Variants in RBFOX3 observed in about 807,000 individuals in gnomAD.
RBFOX3 encodes the protein RNA binding protein fox-1 homolog 3.
In RBFOX3, 17 loss-of-function variants were observed where a neutral mutation model predicts 48.7. That is an observed-to-expected ratio of 0.35 (90% CI 0.24 to 0.52). RBFOX3 has a LOEUF of 0.52. RBFOX3 is among the 20% of genes least tolerant of loss of function. The pLI, the probability that RBFOX3 is intolerant of heterozygous loss-of-function variation, is 0.94. For synonymous variants in RBFOX3, 212 were observed against 209.5 expected, an observed-to-expected ratio of 1.01 and a Z score of -0.10; for missense variants, 382 against 497.5, an observed-to-expected ratio of 0.77 and a Z score of 2.21.
intron 1 of RBFOX3, among the ~76,000 whole-genome samples, chr17:79,506,832 G>A (rs943499935): frequency 2.0e-5 from 3 of 152,160 alleles, no homozygotes; most frequent in African/African-American, 4.8e-5. Flanking sequence ...GAATCCTGAC[G>A]CAGCCCAGCT....
chr17:79,263,769 G>T (rs1242221363), intron 3 of RBFOX3, among the ~76,000 whole-genome samples: 1 of 152,198 alleles, frequency 6.6e-6, no homozygotes, highest in Non-Finnish European at 1.5e-5. Flanking sequence ...GCGCTTACGA[G>T]GGGCAGAACG....
chr17:79,495,576 G>GGTGCAGGA (rs782672896), intron 1 of RBFOX3, among the ~76,000 whole-genome samples: 2,418 of 13,224 alleles, frequency 0.18, 725 homozygotes, highest in Non-Finnish European at 0.43. Flanking sequence ...CAGGGATGGG[G>GGTGCAGGA]ATGTGGGAAG....
At chr17:79,138,022 G>A (rs114088672) in intron 4 of RBFOX3, among the ~76,000 whole-genome samples, 2,360 of 152,204 alleles carry the variant, frequency 0.016, 51 homozygotes, top group African/African-American at 0.054. Context: ...CAGGCAGCCC[G>A]CCCCCGCCAA....
At chr17:79,514,320 C>T (rs1428419288) in intron 1 of RBFOX3, among the ~76,000 whole-genome samples, 4 of 152,198 alleles carry the variant, frequency 2.6e-5, no homozygotes, top group African/African-American at 7.2e-5. Context: ...ATCCGACACA[C>T]GGGTACACAC....
chr17:79,417,522 G>A (rs1328443555), intron 2 of RBFOX3, among the ~76,000 whole-genome samples: 1 of 152,234 alleles, frequency 6.6e-6, no homozygotes, highest in Admixed American at 6.5e-5. Context: ...AAGCCAATGG[G>A]CTGCCCGACA....
At chr17:79,611,130 T>TCTCTCTCTCTCTCTATCTCTCTCTC (rs1491548376), upstream of RBFOX3, among the ~76,000 whole-genome samples, 3 of 37,846 alleles carry the variant, frequency 7.9e-5, 1 homozygote, top group Non-Finnish European at 8.5e-5. Context: ...TCCGCCCTCC[T>TCTCTCTCTCTCTCTATCTCTCTCTC]TCTCTCTCTC....
chr17:79,501,774 A>G (rs2082417620), intron 1 of RBFOX3, among the ~76,000 whole-genome samples: 1 of 152,242 alleles, frequency 6.6e-6, no homozygotes, highest in Non-Finnish European at 1.5e-5. Flanking sequence ...CTCAGTTTAT[A>G]CAGTATTTAA....
intron 14 of RBFOX3, chr17:79,092,105 AG>A (rs2074033775): frequency 1.0e-6 from 1 of 985,460 alleles, no homozygotes; most frequent in Middle Eastern, 5.2e-4. Context: ...TCCCTGCGTC[AG>A]GGTGCTGGAC....
intron 2 of RBFOX3, among the ~76,000 whole-genome samples, chr17:79,356,365 T>TGTTTTTGTTTTTG (rs1568100976): frequency 2.1e-4 from 23 of 108,252 alleles, no homozygotes; most frequent in Non-Finnish European, 3.0e-4. Context: ...TTTTTTTTTT[T>TGTTTTTGTTTTTG]TTTTTTTTTT....
At chr17:79,129,312 T>A (rs550568251) in intron 4 of RBFOX3, among the ~76,000 whole-genome samples, 2 of 152,308 alleles carry the variant, frequency 1.3e-5, no homozygotes, top group African/African-American at 2.4e-5. Context: ...AGCACACACA[T>A]CCAGGATGTA....
intron 2 of RBFOX3, among the ~76,000 whole-genome samples, chr17:79,387,433 G>A (rs1384874417): frequency 2.0e-5 from 3 of 152,192 alleles, no homozygotes; most frequent in African/African-American, 7.2e-5. Flanking sequence ...ACAAGTCCCA[G>A]GTCTTTTAAA....
At chr17:79,099,537 C>A (rs911467693) in intron 9 of RBFOX3, 1 of 152,298 alleles carries the variant, frequency 6.6e-6, no homozygotes, top group African/African-American at 2.4e-5. Flanking sequence ...CAAGCCCAGA[C>A]TCCCCGGGGC....
At chr17:79,603,284 C>T in intron 1 of RBFOX3, among the ~76,000 whole-genome samples, 1 of 152,304 alleles carries the variant, frequency 6.6e-6, no homozygotes, top group East Asian at 1.9e-4. Flanking sequence ...AGACACCCTG[C>T]CCTGGCCTCC....
chr17:79,465,709 G>A (rs1238549407), intron 2 of RBFOX3, among the ~76,000 whole-genome samples: 1 of 152,234 alleles, frequency 6.6e-6, no homozygotes, highest in African/African-American at 2.4e-5. Flanking sequence ...TCCCGTCGGG[G>A]CCTGCCCTGG....
intron 4 of RBFOX3, among the ~76,000 whole-genome samples, chr17:79,128,944 G>A (rs2038056175): frequency 6.6e-6 from 1 of 152,326 alleles, no homozygotes; most frequent in Non-Finnish European, 1.5e-5. Flanking sequence ...TATGATCACA[G>A]TGAAGAAACC....
At chr17:79,367,695 CG>C (rs1339243639) in intron 2 of RBFOX3, among the ~76,000 whole-genome samples, 1 of 152,078 alleles carries the variant, frequency 6.6e-6, no homozygotes, top group African/African-American at 2.4e-5. Flanking sequence ...TCCACCCCTC[CG>C]GGGAGGACAG....
intron 4 of RBFOX3, among the ~76,000 whole-genome samples, chr17:79,139,571 C>T (rs772094646): frequency 1.3e-5 from 2 of 152,238 alleles, no homozygotes; most frequent in Non-Finnish European, 2.9e-5. Flanking sequence ...CGGAACTGGG[C>T]AGGCAGGGTC....
At chr17:79,291,572 C>T (rs887270512) in intron 3 of RBFOX3, among the ~76,000 whole-genome samples, 3 of 152,212 alleles carry the variant, frequency 2.0e-5, no homozygotes, top group Admixed American at 6.5e-5. Flanking sequence ...GTCATGCATC[C>T]ACCCCTTGAG....
chr17:79,317,418 C>A (rs547326302), intron 2 of RBFOX3, among the ~76,000 whole-genome samples: 1 of 152,240 alleles, frequency 6.6e-6, no homozygotes, highest in African/African-American at 2.4e-5. Context: ...GAAGCCCCCA[C>A]GGGTTCAGCC....
Sources: allele counts gnomAD v4.1 joint callset (sites outside exome capture counted in the v4.1 genomes callset), GRCh38; gene constraint gnomAD v4.1.1; transcripts MANE v1.5; gene names NCBI Gene and HGNC (gene_info 2026-07-23, HGNC 2026-07-21).